Variants in PDE8B observed in about 807,000 individuals in gnomAD.
PDE8B encodes the protein high affinity cAMP-specific and IBMX-insensitive 3',5'-cyclic phosphodiesterase 8B.
A neutral mutation model predicts 101.3 loss-of-function variants in PDE8B; 26 were observed. The ratio of observed to expected loss-of-function variants is 0.26; its 90% CI spans 0.19 to 0.36. PDE8B has a LOEUF of 0.36. Ranked by LOEUF, PDE8B falls within the 10% of genes least tolerant of loss-of-function variation. PDE8B has a pLI of 1.00. For missense variants in PDE8B, 810 were observed against 1,163.1 expected, an observed-to-expected ratio of 0.70 and a Z score of 4.42; for synonymous variants, 424 against 429.3, an observed-to-expected ratio of 0.99 and a Z score of 0.15.
At chr5:77,321,981 CAGTCAGTCAGG>C (rs1775179532) in intron 2 of PDE8B, among the ~76,000 whole-genome samples, 1 of 152,168 alleles carries the variant, frequency 6.6e-6, no homozygotes, top group Non-Finnish European at 1.5e-5. Context: ...GGAAGCACCG[CAGTCAGTCAGG>C]AGGCACAGGG....
intron 1 of PDE8B, among the ~76,000 whole-genome samples, chr5:77,274,981 A>G (rs1763552762): frequency 6.6e-6 from 1 of 152,172 alleles, no homozygotes; most frequent in South Asian, 2.1e-4. Flanking sequence ...TGGCCCACTA[A>G]AAGAAATATT....
At chr5:77,334,176 C>T (rs1042753663) in intron 5 of PDE8B, among the ~76,000 whole-genome samples, 60 of 152,324 alleles carry the variant, frequency 3.9e-4, no homozygotes, top group African/African-American at 1.3e-3. Flanking sequence ...GAAGTTGTTT[C>T]CCATCTCTGA....
At chr5:77,401,319 G>C (rs1210808513) in intron 11 of PDE8B, among the ~76,000 whole-genome samples, 1 of 151,988 alleles carries the variant, frequency 6.6e-6, no homozygotes, top group African/African-American at 2.4e-5. Flanking sequence ...CCTGAGCAGG[G>C]GTATTATTTT....
chr5:77,249,021 A>C (rs1177379055), intron 1 of PDE8B, among the ~76,000 whole-genome samples: 3 of 152,176 alleles, frequency 2.0e-5, no homozygotes, highest in Admixed American at 2.0e-4. Context: ...TGAGAAGATA[A>C]ATTTCTGTTG....
intron 18 of PDE8B, among the ~76,000 whole-genome samples, 156 bp from the exon 19 acceptor site, chr5:77,419,611 A>C (rs541027003): frequency 1.3e-5 from 2 of 152,328 alleles, no homozygotes; most frequent in South Asian, 4.1e-4. Flanking sequence ...AGTCTTGCTT[A>C]CTGGGAGGAC....
At chr5:77,108,260 A>G in the PDE8B span, among the ~76,000 whole-genome samples, 1 of 152,190 alleles carries the variant, frequency 6.6e-6, no homozygotes, top group Non-Finnish European at 1.5e-5. Context: ...CTTATGTGAA[A>G]TATTTTGAGT....
At chr5:77,189,461 G>A in the PDE8B span, among the ~76,000 whole-genome samples, 1 of 151,918 alleles carries the variant, frequency 6.6e-6, no homozygotes. Flanking sequence ...ATGGGGTGGG[G>A]AACATTGCCA....
At chr5:77,115,969 T>C in the PDE8B span, among the ~76,000 whole-genome samples, 4 of 152,124 alleles carry the variant, frequency 2.6e-5, no homozygotes, top group Non-Finnish European at 5.9e-5. Flanking sequence ...TGACATGCTT[T>C]TATTTTACTG....
At chr5:77,356,222 GC>G (rs1782081874) in intron 10 of PDE8B, among the ~76,000 whole-genome samples, 1 of 152,128 alleles carries the variant, frequency 6.6e-6, no homozygotes, top group Non-Finnish European at 1.5e-5. Context: ...CTGTCTCAAA[GC>G]CTATCTCAGC....
chr5:77,253,607 T>C (rs995931765), intron 1 of PDE8B, among the ~76,000 whole-genome samples: 1 of 152,218 alleles, frequency 6.6e-6, no homozygotes, highest in Non-Finnish European at 1.5e-5. Context: ...ATAGTGAACA[T>C]AATTCTCTTT....
At chr5:77,322,421 A>G (rs770953878) in intron 2 of PDE8B, among the ~76,000 whole-genome samples, 1 of 152,182 alleles carries the variant, frequency 6.6e-6, no homozygotes, top group Non-Finnish European at 1.5e-5. Flanking sequence ...GTGAGTTTCC[A>G]TGTGAAATCC....
the PDE8B span, chr5:77,147,728 G>C: frequency 1.3e-5 from 2 of 152,154 alleles, no homozygotes; most frequent in African/African-American, 4.8e-5. Flanking sequence ...GGAGCTGAAG[G>C]CAGCCTCCAA....
chr5:77,123,517 G>A, the PDE8B span, among the ~76,000 whole-genome samples: 1 of 152,138 alleles, frequency 6.6e-6, no homozygotes, highest in Non-Finnish European at 1.5e-5. Context: ...CAGCACTTTG[G>A]GAGGCTGAGG....
At chr5:77,180,179 A>C in the PDE8B span, among the ~76,000 whole-genome samples, 12,329 of 152,180 alleles carry the variant, frequency 0.081, 843 homozygotes, top group East Asian at 0.4. Flanking sequence ...TGTTGCCCAG[A>C]GCGGAGCAGC....
intron 3 of PDE8B, among the ~76,000 whole-genome samples, 193 bp from the exon 4 acceptor site, chr5:77,328,805 A>T (rs573449060): frequency 6.6e-6 from 1 of 152,292 alleles, no homozygotes; most frequent in East Asian, 1.9e-4. Flanking sequence ...AGAGAAAAAA[A>T]ATTTTTTAAC....
the PDE8B span, among the ~76,000 whole-genome samples, chr5:77,179,771 G>A: frequency 1.3e-5 from 2 of 152,118 alleles, no homozygotes; most frequent in South Asian, 2.1e-4. Flanking sequence ...ATGTTGCTGA[G>A]GCTGGTCTCG....
chr5:77,281,481 G>A (rs1216508814), intron 1 of PDE8B, among the ~76,000 whole-genome samples: 1 of 152,200 alleles, frequency 6.6e-6, no homozygotes, highest in African/African-American at 2.4e-5. Context: ...AGGCTCTAGG[G>A]CAGAAATCAC....
At chr5:77,132,356 T>C in the PDE8B span, among the ~76,000 whole-genome samples, 1 of 152,288 alleles carries the variant, frequency 6.6e-6, no homozygotes, top group Admixed American at 6.5e-5. Context: ...GTCTGGTGAC[T>C]CTCTATTATG....
At chr5:77,179,570 T>C in the PDE8B span, among the ~76,000 whole-genome samples, 1,712 of 152,308 alleles carry the variant, frequency 0.011, 31 homozygotes, top group South Asian at 0.045. Flanking sequence ...CTTCATAGTG[T>C]CTGCTTAGAC....
Sources: allele counts gnomAD v4.1 joint callset (sites outside exome capture counted in the v4.1 genomes callset), GRCh38; gene constraint gnomAD v4.1.1; transcripts MANE v1.5; gene names NCBI Gene and HGNC (gene_info 2026-07-23, HGNC 2026-07-21).